Variants in SH3RF1 observed in about 807,000 individuals in gnomAD.
The protein encoded by SH3RF1 is E3 ubiquitin-protein ligase SH3RF1.
In SH3RF1, 32 loss-of-function variants were observed where a neutral mutation model predicts 74.0. The observed-to-expected ratio is 0.43, with a 90% confidence interval of 0.33 to 0.58. The LOEUF (loss-of-function observed/expected upper bound fraction) is 0.58, where lower values mean the gene tolerates loss of function less well. Ranked by LOEUF, SH3RF1 falls within the 20% of genes least tolerant of loss-of-function variation. The pLI is 0.05. For synonymous variants in SH3RF1, 396 were observed against 439.6 expected (o/e 0.90, Z 1.24); for missense variants, 954 against 1,130.9 (o/e 0.84, Z 2.24).
At chr4:169,253,630 A>C (rs1731138256) in intron 2 of SH3RF1, among the ~76,000 whole-genome samples, 1 of 152,224 alleles carries the variant, frequency 6.6e-6, no homozygotes, top group Admixed American at 6.5e-5. Context: ...ATTGCTAACC[A>C]CATTACCTGT....
At chr4:169,145,067 C>A (rs1019988800) in intron 4 of SH3RF1, among the ~76,000 whole-genome samples, 1 of 152,124 alleles carries the variant, frequency 6.6e-6, no homozygotes, top group African/African-American at 2.4e-5. Flanking sequence ...CTTAACCCAG[C>A]AATTCCACTA....
intron 2 of SH3RF1, among the ~76,000 whole-genome samples, chr4:169,242,444 T>G (rs1025812226): frequency 7.2e-5 from 11 of 152,352 alleles, no homozygotes; most frequent in Admixed American, 7.2e-4. Flanking sequence ...AGATTTGCAC[T>G]TACATTTTGG....
At chr4:169,232,217 T>C (rs916134285) in intron 2 of SH3RF1, among the ~76,000 whole-genome samples, 2 of 152,192 alleles carry the variant, frequency 1.3e-5, no homozygotes, top group African/African-American at 4.8e-5. Flanking sequence ...GCCAAAATTT[T>C]TGGACTATTG....
At chr4:169,174,413 C>A (rs1734383790) in intron 2 of SH3RF1, among the ~76,000 whole-genome samples, 1 of 152,148 alleles carries the variant, frequency 6.6e-6, no homozygotes, top group South Asian at 2.1e-4. Flanking sequence ...CCTGGACTTC[C>A]TGTTAAATGC....
Position 169,136,447 on chromosome 4 carries a change from C to G in SH3RF1, c.939G>C (p.Lys313Asn). ...GGCGGTTCTGGGATGCCTGGGAGGA[C>G]TTGTTGGCCATAGTGAGGGAAGTGA... Reference protein sequence around the residue: ...HSFTSLTMANKSSQASQNRHS... With the variant: ...HSFTSLTMANNSSQASQNRHS... Residue 313 changes from lysine to asparagine, a missense_variant, in exon 5 of 12, where the codon AAG (lysine) becomes AAC (asparagine). Physicochemically the swap from Lys to Asn is moderately conservative, Grantham distance 94 (BLOSUM62 0). Coordinates refer to ENST00000284637, the MANE Select transcript of SH3RF1 (RefSeq NM_020870.4). The G allele has an allele frequency of 6.2e-7, 1 of 1,611,946 alleles. No homozygotes were observed. Among genetic ancestry groups the G allele is most frequent in the Non-Finnish European group, 8.5e-7 (1 of 1,179,018 alleles).
chr4:169,135,487 C>G (rs1733684734), intron 5 of SH3RF1, among the ~76,000 whole-genome samples: 1 of 152,086 alleles, frequency 6.6e-6, no homozygotes, highest in Non-Finnish European at 1.5e-5. Context: ...GATTCTTTGA[C>G]CTTTAAGTTG....
intron 2 of SH3RF1, among the ~76,000 whole-genome samples, chr4:169,192,165 C>A (rs1734729787): frequency 6.6e-6 from 1 of 152,098 alleles, no homozygotes; most frequent in Non-Finnish European, 1.5e-5. Flanking sequence ...GGACTAATAT[C>A]CAGAATCTAC....
chr4:169,108,632 G>A (rs777562337), intron 10 of SH3RF1, among the ~76,000 whole-genome samples: 7 of 152,176 alleles, frequency 4.6e-5, no homozygotes, highest in South Asian at 4.1e-4. Context: ...CAACTCTCCC[G>A]GGTAGAGGAA....
chr4:169,261,058 A>G (rs944637163), intron 2 of SH3RF1, among the ~76,000 whole-genome samples: 3 of 152,210 alleles, frequency 2.0e-5, no homozygotes, highest in African/African-American at 7.2e-5. Context: ...GGCTCTGAAA[A>G]GTCAAAGATG....
chr4:169,099,570 T>C (rs1269688553), intron 11 of SH3RF1, among the ~76,000 whole-genome samples: 1 of 152,132 alleles, frequency 6.6e-6, no homozygotes, highest in East Asian at 1.9e-4. Flanking sequence ...TGGGAAAAAA[T>C]GTACAAGTGA....
At chr4:169,165,059 G>A (rs963615785) in intron 2 of SH3RF1, among the ~76,000 whole-genome samples, 1 of 152,172 alleles carries the variant, frequency 6.6e-6, no homozygotes, top group Non-Finnish European at 1.5e-5. Flanking sequence ...TTTGCAGAGA[G>A]CAGGAATATT....
intron 2 of SH3RF1, among the ~76,000 whole-genome samples, chr4:169,211,226 T>C (rs1730359563): frequency 2.1e-5 from 3 of 142,034 alleles, no homozygotes. Flanking sequence ...CTCATGCCTG[T>C]AATCCCAGCA....
rs10026270 is a variant in SH3RF1 at position 169,181,482 on chromosome 4, C to T, written c.394-24803G>A. ...TTCACCATGTTGGCCAGGATGGTCT[C>T]GATCTCCTGACCTCATGATCCACCC... On this transcript the variant is annotated intron_variant, in intron 2 of 11. Transcript: ENST00000284637. Among the ~76,000 whole-genome samples the T allele has an allele frequency of 3.0e-3, 456 of 151,988 alleles. 3 individuals are homozygous for T. The highest frequency in any genetic ancestry group is 0.014 in the South Asian group (65 of 4,810).
Position 169,116,286 on chromosome 4 carries a change from G to A in SH3RF1, c.2122C>T (p.Pro708Ser). 5.0e-6 allele frequency: 8 copies of A among 1,610,222 alleles called. No homozygotes were observed. The highest frequency in any genetic ancestry group is 1.1e-5 in the South Asian group (1 of 90,392). Residue 708 changes from proline to serine, a missense_variant, in exon 10 of 12, where the codon CCA becomes TCA. By Grantham distance (74) the Pro-to-Ser change is moderately conservative. This residue lies in a region of SH3RF1 where 854 missense variants were observed against 962.5 expected (regional missense o/e 0.89). Transcript: ENST00000284637. ...SACGNSSATK[P>S]DKDSKKEKKG... ...GGTCTTACTTTGCTATCCTTGTCTGGTTTGGTTGCTGAACTGTTCCCACAA... is the reference window on the plus strand; with the variant it reads ...GGTCTTACTTTGCTATCCTTGTCTGATTTGGTTGCTGAACTGTTCCCACAA...
At chr4:169,136,785 T>C (rs1268259709) in intron 4 of SH3RF1, among the ~76,000 whole-genome samples, 165 bp from the exon 5 acceptor site, 1 of 152,242 alleles carries the variant, frequency 6.6e-6, no homozygotes, top group African/African-American at 2.4e-5. Context: ...CTCTCAATAT[T>C]GGGACTTCAT....
chr4:169,154,164 G>A (rs2126963895), intron 4 of SH3RF1, among the ~76,000 whole-genome samples: 1 of 152,254 alleles, frequency 6.6e-6, no homozygotes. Context: ...GTACAGGAAG[G>A]ACTGCCTGTG....
chr4:169,137,456 T>C (rs1733718231), intron 4 of SH3RF1, among the ~76,000 whole-genome samples: 2 of 152,140 alleles, frequency 1.3e-5, no homozygotes, highest in South Asian at 4.1e-4. Context: ...TCAGTGACAA[T>C]AAGCTGCATA....
intron 5 of SH3RF1, among the ~76,000 whole-genome samples, chr4:169,131,916 T>C (rs557606029): frequency 2.0e-5 from 3 of 152,374 alleles, no homozygotes; most frequent in South Asian, 4.1e-4. Context: ...CAACTACTGA[T>C]TGTGGGCCAG....
intron 2 of SH3RF1, chr4:169,167,217 T>A (rs898268669): frequency 6.5e-6 from 1 of 152,832 alleles, no homozygotes; most frequent in Non-Finnish European, 1.5e-5. Flanking sequence ...TGTATAGCCA[T>A]GGAAGGGCAC....
Sources: allele counts gnomAD v4.1 joint callset (sites outside exome capture counted in the v4.1 genomes callset), GRCh38; gene constraint gnomAD v4.1.1; regional missense constraint gnomAD v4.1.1; transcripts MANE v1.5; gene names NCBI Gene and HGNC (gene_info 2026-07-23, HGNC 2026-07-21).